ZNF285: variants seen among roughly 807,000 people sequenced by gnomAD.
The protein encoded by ZNF285 is zinc finger protein 285, also known as zinc finger protein 285A.
ZNF285 carries 4 observed loss-of-function variants against 6.2 expected under a neutral mutation model. The observed-to-expected ratio is 0.65, with a 90% CI of 0.32 to 1.49. The LOEUF (loss-of-function observed/expected upper bound fraction) is 1.49. ZNF285 is among the 40% of genes most tolerant of loss of function. The probability of loss-of-function intolerance (pLI) is 0.07; values close to 1 mark genes in which losing one functional copy is unlikely to be tolerated. For synonymous variants in ZNF285, 240 were observed against 245.8 expected (o/e 0.98, Z 0.22); for missense variants, 695 against 708.8 (o/e 0.98, Z 0.22).
In ZNF285 at chr19:44,387,441, G is replaced by A; in HGVS notation, c.804C>T (p.Asn268=). 3 of 1,614,120 alleles carry A rather than the reference G, an allele frequency of 1.9e-6. No individual in the cohort carries two copies. In the South Asian group the frequency reaches 3.3e-5, roughly 18 times the overall value. ...KSYKCDQYGK[N]FSQSQDLIVH... is the part of the protein sequence containing the mutation. The stretch of plus-strand genomic sequence containing the variant: ...CGATAAGATCTTGGCTCTGACTAAA[G>A]TTCTTTCCATACTGGTCACATTTAT... Residue 268 remains asparagine (N), a synonymous_variant, in exon 4 of 4, where the codon AAC becomes AAT. Coordinates refer to ENST00000614994, the MANE Select transcript of ZNF285 (RefSeq NM_152354.6).
At position 44,384,450 on chromosome 19, in the gene ZNF285, G is replaced by A. The variant is rs1971040844; in HGVS notation, c.*2022C>T. 1 of 152,092 alleles carries A rather than the reference G, an allele frequency of 6.6e-6. No homozygotes were observed. Among genetic ancestry groups the A allele is most frequent in the African/African-American group, 2.4e-5 (1 of 41,406 alleles). 9.4% of individuals were successfully genotyped at this position (152,092 alleles called of 1,614,324 possible). A position where few individuals can be genotyped will look rare whatever the true frequency, so the allele number is the denominator to read the frequency against. ...TTCTTTCCCCCACCAACTTATGTAA[G>A]AACACTCATTTCCTCATTTCTACTG... On this transcript the variant is annotated 3_prime_UTR_variant, in exon 4 of 4. Transcript: ENST00000614994.
Position 44,387,202 on chromosome 19 carries a change from T to C in ZNF285, c.1043A>G (p.Glu348Gly), listed in dbSNP as rs145215668. The C allele has an allele frequency of 7.4e-6, 12 of 1,612,822 alleles. No individual in the cohort carries two copies. Among genetic ancestry groups the C allele is most frequent in the Non-Finnish European group, 1.0e-5 (12 of 1,179,672 alleles). ...CCTAAATCCAAACCCTTTCCCACAT[T>C]CATCGCATTTGTAGGGCATCTCCCC... ...HTGEMPYKCD[E>G]CGKGFGFRSL... is the part of the protein sequence containing the mutation. The change falls in exon 4 of 4, where the codon GAA (glutamate) becomes GGA (glycine). Residue 348 changes from glutamate to glycine, a missense_variant. By Grantham distance (98) the Glu-to-Gly change is moderately conservative. Transcript: ENST00000614994.
chr19:44,392,142 C>G, intron 3 of ZNF285, 198 bp downstream of exon 3: 3 of 1,419,732 alleles, frequency 2.1e-6, no homozygotes, highest in Non-Finnish European at 2.8e-6. Flanking sequence ...TTGGGGAGAG[C>G]TCCCTCACAA....
In ZNF285 at chr19:44,392,578, T is replaced by C. The variant is rs772637711; in HGVS notation, c.16-112A>G. 4 of 1,596,552 alleles carry C rather than the reference T, an allele frequency of 2.5e-6. No individual in the cohort carries two copies. In the Admixed American group the frequency reaches 6.8e-5, roughly 27 times the overall value. ...TCTGATTAGATTAAACAAAATAAAC[T>C]TATTTCTTCCTGTCCTGGAGGTTGG... is the stretch of plus-strand genomic sequence containing the variant. On this transcript the variant is annotated intron_variant, in intron 2 of 3. Transcript: ENST00000614994.
intron 2 of ZNF285, among the ~76,000 whole-genome samples, chr19:44,396,432 C>A (rs200897668): frequency 1.1e-4 from 17 of 152,262 alleles, no homozygotes; most frequent in African/African-American, 3.9e-4. Context: ...GTTATTGAAT[C>A]AAACACTAAT....
At chr19:44,397,580 G>A (rs923565888) in intron 1 of ZNF285, among the ~76,000 whole-genome samples, 9 of 152,092 alleles carry the variant, frequency 5.9e-5, no homozygotes, top group Non-Finnish European at 1.3e-4. Context: ...CTACAGAATT[G>A]CTGAATAAGG....
intron 3 of ZNF285, among the ~76,000 whole-genome samples, chr19:44,390,799 C>T (rs936042242): frequency 4.0e-5 from 6 of 151,360 alleles, no homozygotes; most frequent in African/African-American, 1.2e-4. Context: ...ATTATGGGGG[C>T]GGGTCTTTCC....
chr19:44,391,152 C>CAAAAA (rs771843198), intron 3 of ZNF285, among the ~76,000 whole-genome samples: 1 of 114,652 alleles, frequency 8.7e-6, no homozygotes, highest in Non-Finnish European at 1.9e-5. Flanking sequence ...GACTCCATCT[C>CAAAAA]AAAAAAAAAA....
intron 1 of ZNF285, among the ~76,000 whole-genome samples, chr19:44,399,401 A>C (rs950214340): frequency 6.2e-5 from 9 of 145,490 alleles, no homozygotes; most frequent in African/African-American, 2.5e-4. Flanking sequence ...AAAAAAAAAA[A>C]AAATAACCAA....
At position 44,384,989 on chromosome 19, in the gene ZNF285, G is replaced by C. The variant is rs1180268771; in HGVS notation, c.*1483C>G. On this transcript the variant is annotated 3_prime_UTR_variant, in exon 4 of 4. Coordinates refer to ENST00000614994, the MANE Select transcript of ZNF285 (RefSeq NM_152354.6). ...TCCAGCCACCTGGGTGACACAGCAA[G>C]ACCCTGTTTCCAAAAAAAAAAAAAA... is the stretch of plus-strand genomic sequence containing the variant. The C allele has an allele frequency of 9.7e-6, 1 of 102,774 alleles. No homozygotes were observed. Among genetic ancestry groups the C allele is most frequent in the Non-Finnish European group, 1.8e-5 (1 of 56,670 alleles). 6.4% of individuals were successfully genotyped at this position (102,774 alleles called of 1,614,324 possible). A position where few individuals can be genotyped will look rare whatever the true frequency, so the allele number is the denominator to read the frequency against.
At position 44,384,331 on chromosome 19, in the gene ZNF285, A is replaced by G. The variant is rs1971039393; in HGVS notation, c.*2141T>C. 1.3e-5 allele frequency: 2 copies of G among 152,192 alleles called. No individual in the cohort carries two copies. Among genetic ancestry groups the G allele is most frequent in the Non-Finnish European group, 2.9e-5 (2 of 68,032 alleles). 9.4% of individuals were successfully genotyped at this position (152,192 alleles called of 1,614,324 possible). On this transcript the variant is annotated 3_prime_UTR_variant, in exon 4 of 4. Transcript: ENST00000614994. ...TCATGTAATTACATCCTAAAAATAC[A>G]TTCTGAGAAGCAGGATCATTGGCTC...
chr19:44,388,655 C>A (rs972419610), intron 3 of ZNF285, among the ~76,000 whole-genome samples: 4 of 150,928 alleles, frequency 2.7e-5, no homozygotes, highest in African/African-American at 9.9e-5. Flanking sequence ...TAAGAGTAGT[C>A]GATAAAAAGC....
In ZNF285 at chr19:44,386,685, G is replaced by A. The variant is rs761031949; in HGVS notation, c.1560C>T (p.Gly520=). The change falls in exon 4 of 4, where the codon GGC becomes GGT. Residue 520 remains glycine, a synonymous_variant. Coordinates refer to ENST00000614994, the MANE Select transcript of ZNF285 (RefSeq NM_152354.6). ...CATTAAGATCTGAATTCCGGCTGAA[G>A]CCTTTACCACACTCATCACATTTAT... ...KPYKCDECGK[G]FSRNSDLNVH... 5.6e-6 allele frequency: 9 copies of A among 1,614,010 alleles called. No homozygotes were observed. Among genetic ancestry groups the A allele is most frequent in the Non-Finnish European group, 4.2e-6 (5 of 1,180,034 alleles).
rs1599953695 is a variant in ZNF285, at chr19:44,386,805, T to C, written c.1440A>G (p.Gly480=). The C allele has an allele frequency of 1.2e-6, 2 of 1,614,228 alleles. No homozygotes were observed. Among genetic ancestry groups the C allele is most frequent in the South Asian group, 1.1e-5 (1 of 91,088 alleles). The part of the protein sequence containing the change: ...VLHTHQRVHT[G]EKPYKCEVCG... ...ACACTTCACATTTATATGGTTTTTC[T>C]CCAGTGTGAACTCTCTGATGAGTGT... is the stretch of plus-strand genomic sequence containing the variant. The change falls in exon 4 of 4, where the codon GGA becomes GGG. Residue 480 remains glycine (G), a synonymous_variant. Transcript: ENST00000614994.
chr19:44,392,551 A>G (rs1238763415), intron 2 of ZNF285, 85 bp from the exon 3 acceptor site: 6 of 1,611,822 alleles, frequency 3.7e-6, no homozygotes, highest in Non-Finnish European at 5.1e-6. Context: ...AAAACACCAC[A>G]GTCTGATTAG....
intron 2 of ZNF285, among the ~76,000 whole-genome samples, chr19:44,392,817 C>T (rs1037106305): frequency 1.3e-5 from 2 of 152,098 alleles, no homozygotes; most frequent in Non-Finnish European, 2.9e-5. Flanking sequence ...GAAATAGGCA[C>T]AGATAAATCT....
In ZNF285 at chr19:44,393,858, C is replaced by T. The variant is rs548753053; in HGVS notation, c.16-1392G>A. Among the ~76,000 whole-genome samples, 159 of 152,182 alleles carry T rather than the reference C, an allele frequency of 1.0e-3. 3 individuals are homozygous for T. The highest frequency in any genetic ancestry group is 3.8e-3 in the African/African-American group (156 of 41,470). On this transcript the variant is annotated intron_variant, in intron 2 of 3. Coordinates refer to ENST00000614994, the MANE Select transcript of ZNF285 (RefSeq NM_152354.6). Reference sequence around the variant, plus strand: ...ATTGTGGAAGTCAGTGTGGCGATTCCTCAGGGATCTAGAACTAGAAATACC... The same window carrying T: ...ATTGTGGAAGTCAGTGTGGCGATTCTTCAGGGATCTAGAACTAGAAATACC...
chr19:44,392,445 C>A lies in ZNF285; in HGVS notation c.37G>T (p.Val13Leu). 6.2e-7 allele frequency: 1 copy of A among 1,613,872 alleles called. No homozygotes were observed. The highest frequency in any genetic ancestry group is 8.5e-7 in the Non-Finnish European group (1 of 1,179,834). Residue 13 changes from valine to leucine, a missense_variant, in exon 3 of 4, where the codon GTG (valine) becomes TTG (leucine). Transcript: ENST00000614994. ...TCTTCCTTGGTGAAGACAACAGCCA[C>A]ATCCTTGAATGTCACCCTTTCCTAA... ...KFQERVTFKD[V>L]AVVFTKEELA...
chr19:44,388,649 A>C (rs1168287625), intron 3 of ZNF285, among the ~76,000 whole-genome samples: 1 of 151,510 alleles, frequency 6.6e-6, no homozygotes. Context: ...CTGCTATAAG[A>C]GTAGTCGATA....
Sources: allele counts gnomAD v4.1 joint callset (sites outside exome capture counted in the v4.1 genomes callset), GRCh38; gene constraint gnomAD v4.1.1; transcripts MANE v1.5; gene names NCBI Gene and HGNC (gene_info 2026-07-23, HGNC 2026-07-21).